Variants in SYNE2 observed in about 807,000 individuals in gnomAD.
SYNE2 encodes the protein nesprin-2.
In SYNE2, 431 loss-of-function variants were observed where a neutral mutation model predicts 856.3. The observed-to-expected ratio is 0.50, with a 90% CI of 0.47 to 0.55. SYNE2 has a LOEUF of 0.55. Ranked by LOEUF, SYNE2 falls within the 20% of genes least tolerant of loss-of-function variation. The pLI, the probability that SYNE2 is intolerant of heterozygous loss-of-function variation, is 0.00. For synonymous variants in SYNE2, 2,923 were observed against 2,872.3 expected, an observed-to-expected ratio of 1.02 and a Z score of -0.56; for missense variants, 8,129 against 8,023.2, an observed-to-expected ratio of 1.01 and a Z score of -0.50.
intron 7 of SYNE2, among the ~76,000 whole-genome samples, chr14:63,954,092 T>A (rs1173232477): frequency 6.6e-6 from 1 of 152,216 alleles, no homozygotes; most frequent in Non-Finnish European, 1.5e-5. Context: ...ATTTCCCTTC[T>A]TTTTAAGGAT....
At chr14:63,940,427 T>C (rs1157429524) in intron 2 of SYNE2, among the ~76,000 whole-genome samples, 187 bp from the exon 3 acceptor site, 2 of 151,614 alleles carry the variant, frequency 1.3e-5, no homozygotes, top group Admixed American at 6.6e-5. Context: ...TAAAAAAATA[T>C]CGTATCAACA....
chr14:63,821,316 T>C (rs781039794), intron 1 of SYNE2, among the ~76,000 whole-genome samples: 6 of 152,194 alleles, frequency 3.9e-5, no homozygotes, highest in Non-Finnish European at 7.3e-5. Context: ...TTCAACTTAC[T>C]AATCTAGCTT....
intron 2 of SYNE2, among the ~76,000 whole-genome samples, chr14:63,924,046 AT>A (rs1348584394): frequency 6.6e-6 from 1 of 152,072 alleles, no homozygotes; most frequent in Non-Finnish European, 1.5e-5. Flanking sequence ...GGCTCAAGCA[AT>A]CCACTCACCT....
intron 19 of SYNE2, among the ~76,000 whole-genome samples, chr14:63,988,450 T>C (rs1228707319): frequency 1.3e-5 from 2 of 152,228 alleles, no homozygotes; most frequent in Non-Finnish European, 2.9e-5. Context: ...GCTTTTTTGT[T>C]GGTTTTATAA....
At chr14:63,899,184 G>A (rs937383276) in intron 1 of SYNE2, among the ~76,000 whole-genome samples, 2 of 151,878 alleles carry the variant, frequency 1.3e-5, no homozygotes, top group Admixed American at 6.6e-5. Context: ...AGGTTTTTTA[G>A]CTTTGGAAGT....
At chr14:63,876,147 T>C (rs1006958319) in intron 1 of SYNE2, among the ~76,000 whole-genome samples, 3 of 151,390 alleles carry the variant, frequency 2.0e-5, no homozygotes, top group African/African-American at 7.3e-5. Flanking sequence ...ACGTGGTGGC[T>C]CACACTTGTA....
chr14:64,090,672 C>G (rs961012843), intron 59 of SYNE2, among the ~76,000 whole-genome samples, 194 bp from the exon 60 acceptor site: 5 of 152,258 alleles, frequency 3.3e-5, no homozygotes, highest in Non-Finnish European at 7.4e-5. Context: ...GTTACTCTTG[C>G]CCCAGTTATT....
At chr14:63,932,111 A>G (rs996072852) in intron 2 of SYNE2, among the ~76,000 whole-genome samples, 12 of 152,170 alleles carry the variant, frequency 7.9e-5, no homozygotes, top group Admixed American at 2.0e-4. Flanking sequence ...TTGCAGTGGC[A>G]CACACCTGTA....
chr14:64,141,603 A>G, intron 81 of SYNE2, 80 bp downstream of exon 81: 1 of 1,474,264 alleles, frequency 6.8e-7, no homozygotes, highest in Admixed American at 1.7e-5. Flanking sequence ...TCTCTGACTC[A>G]ATAATTTTCA....
chr14:64,206,013 G>A (rs2098603547), intron 100 of SYNE2, among the ~76,000 whole-genome samples: 1 of 152,116 alleles, frequency 6.6e-6, no homozygotes, highest in South Asian at 2.1e-4. Flanking sequence ...GCTGGCACTG[G>A]GGGCTTCACG....
intron 63 of SYNE2, among the ~76,000 whole-genome samples, chr14:64,100,529 AAAATATATATAT>A (rs1480604963): frequency 3.0e-4 from 17 of 57,624 alleles, no homozygotes; most frequent in African/African-American, 1.2e-3. Context: ...AAAAAAAAAA[AAAATATATATAT>A]ATATATATAT....
chr14:63,945,163 A>G (rs1004465777), intron 6 of SYNE2, among the ~76,000 whole-genome samples: 1 of 131,536 alleles, frequency 7.6e-6, no homozygotes, highest in East Asian at 2.3e-4. Context: ...GTTGATGTAT[A>G]TGTAATACAC....
chr14:64,078,343 T>C, intron 54 of SYNE2, 123 bp from the exon 55 acceptor site: 3 of 1,176,728 alleles, frequency 2.5e-6, no homozygotes, highest in Middle Eastern at 2.9e-4. Context: ...CAGAATTTCT[T>C]CCCCCAGCCC....
rs1422509000 is a variant in SYNE2 at position 64,212,918 on chromosome 14, G to A, written c.18969G>A (p.Glu6323=). 2 of 1,614,102 alleles carry A rather than the reference G, an allele frequency of 1.2e-6. No homozygotes were observed. The highest frequency in any genetic ancestry group is 1.3e-5 in the African/African-American group (1 of 74,920). ...AGCCCCTGGATGCTGTGCTGATTGA[G>A]GATGAGCTGGAGGAACTCCACCGCT... The part of the protein sequence containing the change: ...KSEPLDAVLI[E]DELEELHRYC... The change falls in exon 105 of 116, where the codon GAG becomes GAA. Residue 6323 remains glutamate, a synonymous_variant. Transcript: ENST00000555002.
At chr14:64,178,535 A>G (rs1596014707) in intron 96 of SYNE2, among the ~76,000 whole-genome samples, 1 of 152,218 alleles carries the variant, frequency 6.6e-6, no homozygotes, top group South Asian at 2.1e-4. Flanking sequence ...TCAGCTCACT[A>G]CAACCTCCAA....
chr14:64,207,329 C>G (rs2098610280), intron 100 of SYNE2, among the ~76,000 whole-genome samples: 1 of 152,164 alleles, frequency 6.6e-6, no homozygotes, highest in Non-Finnish European at 1.5e-5. Context: ...AATCCCAGCA[C>G]TTTGGGAGGC....
At chr14:64,125,708 C>T (rs1430461244) in intron 71 of SYNE2, among the ~76,000 whole-genome samples, 1 of 152,112 alleles carries the variant, frequency 6.6e-6, no homozygotes, top group Non-Finnish European at 1.5e-5. Flanking sequence ...AAAGAGGTGG[C>T]CCCAGCAGCT....
At chr14:64,208,214 C>T (rs1204917800) in intron 100 of SYNE2, 3 of 454,006 alleles carry the variant, frequency 6.6e-6, no homozygotes, top group African/African-American at 2.0e-5. Flanking sequence ...AGAATTTCTC[C>T]CTTGGGCTCA....
At chr14:64,030,967 C>A in intron 44 of SYNE2, 49 bp from the exon 45 acceptor site, 1 of 1,401,644 alleles carries the variant, frequency 7.1e-7, no homozygotes, top group Non-Finnish European at 1.0e-6. Context: ...AGTCAATTAA[C>A]TTTTGTGGCA....
Sources: allele counts gnomAD v4.1 joint callset (sites outside exome capture counted in the v4.1 genomes callset), GRCh38; gene constraint gnomAD v4.1.1; transcripts MANE v1.5; gene names NCBI Gene and HGNC (gene_info 2026-07-23, HGNC 2026-07-21).